ERBB4: variants seen among roughly 807,000 people sequenced by gnomAD.
ERBB4 encodes the protein receptor tyrosine-protein kinase erbB-4.
A neutral mutation model predicts 158.0 loss-of-function variants in ERBB4; 42 were observed. That is an observed-to-expected ratio of 0.27 (90% confidence interval 0.21 to 0.34). The LOEUF (loss-of-function observed/expected upper bound fraction) is 0.34. Among genes scored for constraint, ERBB4 ranks in the 10% least tolerant of loss-of-function variants. The probability of loss-of-function intolerance (pLI) is 1.00; values close to 1 mark genes in which losing one functional copy is unlikely to be tolerated. For missense variants in ERBB4, 1,333 were observed against 1,624.1 expected (o/e 0.82, Z 3.08); for synonymous variants, 583 against 558.7 (o/e 1.04, Z -0.61).
chr2:212,380,673 T>C (rs192332041), intron 1 of ERBB4, among the ~76,000 whole-genome samples: 40 of 151,116 alleles, frequency 2.6e-4, no homozygotes, highest in Admixed American at 1.1e-3. Context: ...AGAGTATTTA[T>C]GTATATATTT....
In ERBB4 at chr2:212,230,539, C is replaced by T. The variant is rs190528766; in HGVS notation, c.83-105636G>A. ...AACATCATCAAGAATATTCCATTTT[C>T]GAAGTAATTACTGTTTTAAAATGTT... is the stretch of plus-strand genomic sequence containing the variant. On this transcript the variant is annotated intron_variant, in intron 1 of 27. Coordinates refer to ENST00000342788, the MANE Select transcript of ERBB4 (RefSeq NM_005235.3). Among the ~76,000 whole-genome samples the T allele has an allele frequency of 1.6e-4, 24 of 152,144 alleles. No individual in the cohort carries two copies. In the East Asian group the frequency reaches 2.9e-3, roughly 18 times the overall value.
At chr2:211,971,500 C>G (rs1026451134) in intron 2 of ERBB4, among the ~76,000 whole-genome samples, 5 of 152,130 alleles carry the variant, frequency 3.3e-5, no homozygotes, top group African/African-American at 1.2e-4. Flanking sequence ...GGTACCATTC[C>G]TACTGAAACT....
chr2:212,468,583 ACTT>A (rs1688960633), intron 1 of ERBB4, among the ~76,000 whole-genome samples: 1 of 152,160 alleles, frequency 6.6e-6, no homozygotes, highest in African/African-American at 2.4e-5. Context: ...AGTCCAATAA[ACTT>A]CTTTATTTTG....
At chr2:212,312,166 A>C (rs2087074074) in intron 1 of ERBB4, among the ~76,000 whole-genome samples, 1 of 150,942 alleles carries the variant, frequency 6.6e-6, no homozygotes, top group South Asian at 2.1e-4. Context: ...AAAGCAAATG[A>C]AATGACTTTC....
At chr2:212,275,520 C>A (rs1285408583) in intron 1 of ERBB4, among the ~76,000 whole-genome samples, 1 of 151,812 alleles carries the variant, frequency 6.6e-6, no homozygotes, top group Non-Finnish European at 1.5e-5. Context: ...TCTCTAATGG[C>A]CAGTGATGAT....
At chr2:212,506,534 A>C (rs79173357) in intron 1 of ERBB4, among the ~76,000 whole-genome samples, 30 of 151,418 alleles carry the variant, frequency 2.0e-4, no homozygotes, top group Non-Finnish European at 2.8e-4. Context: ...ATGATAACAA[A>C]AAAAAAAAAA....
At chr2:212,025,012 A>G (rs1434036413) in intron 2 of ERBB4, among the ~76,000 whole-genome samples, 1 of 151,892 alleles carries the variant, frequency 6.6e-6, no homozygotes, top group African/African-American at 2.4e-5. Context: ...AAGTTACTGT[A>G]AAATAAACAT....
At chr2:211,420,917 T>A (rs2063500948) in intron 24 of ERBB4, among the ~76,000 whole-genome samples, 1 of 151,992 alleles carries the variant, frequency 6.6e-6, no homozygotes, top group Admixed American at 6.6e-5. Flanking sequence ...AAATAATTGT[T>A]CATTGCCCAG....
At chr2:211,447,598 T>C (rs1266467209) in intron 20 of ERBB4, among the ~76,000 whole-genome samples, 1 of 152,208 alleles carries the variant, frequency 6.6e-6, no homozygotes, top group Non-Finnish European at 1.5e-5. Flanking sequence ...TAGAAATACA[T>C]GTTACTTTCT....
chr2:212,450,022 T>A (rs564282369), intron 1 of ERBB4, among the ~76,000 whole-genome samples: 89 of 152,304 alleles, frequency 5.8e-4, no homozygotes, highest in Non-Finnish European at 1.2e-3. Context: ...TAAAAAGGAA[T>A]GAATCATTTA....
At chr2:212,458,042 T>C (rs2106054516) in intron 1 of ERBB4, among the ~76,000 whole-genome samples, 1 of 152,194 alleles carries the variant, frequency 6.6e-6, no homozygotes, top group African/African-American at 2.4e-5. Flanking sequence ...TAGGAAATAA[T>C]CAGCTAGTGT....
chr2:211,523,797 C>T (rs1180644708), intron 20 of ERBB4, among the ~76,000 whole-genome samples: 4 of 152,028 alleles, frequency 2.6e-5, no homozygotes, highest in Non-Finnish European at 2.9e-5. Context: ...GAAGGGGACC[C>T]GAGCAGGTTG....
intron 19 of ERBB4, among the ~76,000 whole-genome samples, chr2:211,605,171 G>A (rs2068936881): frequency 6.6e-6 from 1 of 152,132 alleles, no homozygotes; most frequent in Non-Finnish European, 1.5e-5. Flanking sequence ...GTTTTATGAA[G>A]TTCAAGCTAA....
chr2:211,770,553 T>A (rs912758014), intron 4 of ERBB4, among the ~76,000 whole-genome samples: 1 of 152,234 alleles, frequency 6.6e-6, no homozygotes, highest in East Asian at 1.9e-4. Flanking sequence ...AAAATTCACA[T>A]ATTTTAGTGA....
intron 19 of ERBB4, among the ~76,000 whole-genome samples, chr2:211,568,980 G>C (rs2067634568): frequency 6.6e-6 from 1 of 152,124 alleles, no homozygotes; most frequent in African/African-American, 2.4e-5. Context: ...ATTTATCTGG[G>C]TAAATAGGTG....
At chr2:211,821,644 G>A (rs1168096891) in intron 3 of ERBB4, among the ~76,000 whole-genome samples, 1 of 151,972 alleles carries the variant, frequency 6.6e-6, no homozygotes, top group Non-Finnish European at 1.5e-5. Context: ...GCATGGTACT[G>A]ACATAAAAGC....
chr2:212,003,099 C>G (rs866824597), intron 2 of ERBB4, among the ~76,000 whole-genome samples: 1 of 54,404 alleles, frequency 1.8e-5, no homozygotes, highest in African/African-American at 5.1e-5. Context: ...GAGACAGAGA[C>G]AGAAAGAAAG....
At chr2:212,056,714 A>G (rs968519090) in intron 2 of ERBB4, among the ~76,000 whole-genome samples, 1 of 152,212 alleles carries the variant, frequency 6.6e-6, no homozygotes, top group Non-Finnish European at 1.5e-5. Context: ...AGACCTTTAT[A>G]GACAAGCAAA....
chr2:211,982,647 G>A (rs549219817), intron 2 of ERBB4, among the ~76,000 whole-genome samples: 6 of 152,120 alleles, frequency 3.9e-5, no homozygotes, highest in Admixed American at 6.5e-5. Flanking sequence ...GCAGTGTGTT[G>A]TTCCTAGAGG....
Sources: gnomAD v4.1 joint callset for allele counts (sites outside exome capture counted in the v4.1 genomes callset) on GRCh38, gnomAD v4.1.1 for gene constraint, MANE v1.5 for transcripts, NCBI Gene and HGNC (gene_info 2026-07-23, HGNC 2026-07-21) for gene names.